XNDC1N: variants seen among roughly 807,000 people sequenced by gnomAD.
XNDC1N encodes the protein protein XNDC1N.
chr11:71,878,817 C>T, the XNDC1N span, among the ~76,000 whole-genome samples: 3 of 150,544 alleles, frequency 2.0e-5, no homozygotes, highest in Non-Finnish European at 4.4e-5. Context: ...AGGGTGAAAC[C>T]CCATCTCTAC....
chr11:71,888,014 G>T, the XNDC1N span, among the ~76,000 whole-genome samples: 2 of 152,250 alleles, frequency 1.3e-5, no homozygotes, highest in Admixed American at 1.3e-4. Flanking sequence ...CACCATCTTC[G>T]GGGAGGCGTG....
the XNDC1N span, among the ~76,000 whole-genome samples, chr11:71,895,054 A>T: frequency 5.9e-5 from 9 of 151,954 alleles, no homozygotes; most frequent in Admixed American, 5.9e-4. Context: ...GTTAAAAATG[A>T]TGAGGCCTGG....
the XNDC1N span, among the ~76,000 whole-genome samples, chr11:71,879,012 TA>T: frequency 2.6e-3 from 393 of 150,398 alleles, no homozygotes; most frequent in Middle Eastern, 0.01. Flanking sequence ...AAAATAATCA[TA>T]AAAAAAAATA....
chr11:71,878,315 T>C, the XNDC1N span: 5 of 867,750 alleles, frequency 5.8e-6, no homozygotes, highest in South Asian at 1.7e-5. Context: ...TAAAATCTCA[T>C]TGAAACACAG....
the XNDC1N span, among the ~76,000 whole-genome samples, chr11:71,918,145 T>C: frequency 6.6e-6 from 1 of 152,194 alleles, no homozygotes. Context: ...CAGTTCTAAA[T>C]TCCAGAGAAT....
chr11:71,884,901 C>G, the XNDC1N span, among the ~76,000 whole-genome samples: 1 of 151,360 alleles, frequency 6.6e-6, no homozygotes, highest in Non-Finnish European at 1.5e-5. Context: ...TAAGAGCCAG[C>G]CCTTCTTGCC....
the XNDC1N span, chr11:71,928,585 A>G: frequency 1.4e-6 from 1 of 702,418 alleles, no homozygotes; most frequent in Non-Finnish European, 2.6e-6. Flanking sequence ...AGGAAAATAC[A>G]TTTCCGTGTG....
the XNDC1N span, chr11:71,878,484 T>G: frequency 6.2e-7 from 1 of 1,611,692 alleles, no homozygotes; most frequent in African/African-American, 1.3e-5. Context: ...TTTGGAGTCC[T>G]TTCCTTGATG....
the XNDC1N span, among the ~76,000 whole-genome samples, chr11:71,880,875 T>C: frequency 1.3e-5 from 2 of 152,250 alleles, no homozygotes; most frequent in African/African-American, 4.8e-5. Context: ...GTCTAGAATA[T>C]ACTTGATATA....
At chr11:71,922,051 A>G in the XNDC1N span, among the ~76,000 whole-genome samples, 2 of 152,042 alleles carry the variant, frequency 1.3e-5, no homozygotes, top group Admixed American at 6.6e-5. Context: ...TCCCAGCTAC[A>G]CAGGAGGCTG....
the XNDC1N span, among the ~76,000 whole-genome samples, chr11:71,920,997 C>T: frequency 2.2e-4 from 34 of 152,070 alleles, no homozygotes; most frequent in East Asian, 5.2e-3. Context: ...TAAATTTCTT[C>T]TTCTTTTTTT....
chr11:71,886,997 A>G, the XNDC1N span, among the ~76,000 whole-genome samples: 1 of 152,158 alleles, frequency 6.6e-6, no homozygotes, highest in South Asian at 2.1e-4. Flanking sequence ...CCTCAGCTCA[A>G]AAGAAAACAA....
the XNDC1N span, among the ~76,000 whole-genome samples, chr11:71,898,382 G>A: frequency 5.3e-5 from 8 of 152,014 alleles, no homozygotes; most frequent in South Asian, 2.1e-4. Context: ...TGAGGCAGGC[G>A]GATCACTTAA....
the XNDC1N span, among the ~76,000 whole-genome samples, chr11:71,904,603 T>C: frequency 6.6e-6 from 1 of 152,024 alleles, no homozygotes. Context: ...CCTTCTAGGG[T>C]ATTGCAGATA....
chr11:71,899,954 A>C, the XNDC1N span, among the ~76,000 whole-genome samples: 2 of 152,042 alleles, frequency 1.3e-5, no homozygotes, highest in African/African-American at 4.8e-5. Context: ...TGGGGGAAAA[A>C]CCGCCCTATG....
At chr11:71,878,075 C>T in the XNDC1N span, among the ~76,000 whole-genome samples, 6,897 of 152,258 alleles carry the variant, frequency 0.045, 527 homozygotes, top group African/African-American at 0.16. Context: ...TGTTGTATTA[C>T]GTGGTTCTTC....
At chr11:71,896,892 G>A in the XNDC1N span, among the ~76,000 whole-genome samples, 1 of 151,510 alleles carries the variant, frequency 6.6e-6, no homozygotes, top group Admixed American at 6.6e-5. Flanking sequence ...GTTGTCAGTT[G>A]TTGTTTGTTT....
the XNDC1N span, chr11:71,903,651 T>A: frequency 9.0e-5 from 2 of 22,232 alleles, no homozygotes; most frequent in African/African-American, 1.8e-4. Context: ...TTTTTTTTTC[T>A]TTTTTTTTTT....
At chr11:71,868,271 G>T in the XNDC1N span, among the ~76,000 whole-genome samples, 1 of 152,178 alleles carries the variant, frequency 6.6e-6, no homozygotes, top group Non-Finnish European at 1.5e-5. Context: ...AGGGCATTTA[G>T]TCCATTTATG....
Sources: gnomAD v4.1 joint callset for allele counts (sites outside exome capture counted in the v4.1 genomes callset) on GRCh38, gnomAD v4.1.1 for gene constraint, MANE v1.5 for transcripts, NCBI Gene and HGNC (gene_info 2026-07-23, HGNC 2026-07-21) for gene names.